The following CAMTA1 variants were observed in gnomAD, a reference collection of about 807,000 sequenced individuals.
CAMTA1 encodes the protein calmodulin-binding transcription activator 1.
Under a neutral mutation model 170.9 loss-of-function variants are expected in CAMTA1, and 27 were observed. That is an observed-to-expected ratio of 0.16 (90% CI 0.12 to 0.22). CAMTA1 has a LOEUF of 0.22. CAMTA1 is among the 10% of genes least tolerant of loss of function. CAMTA1 has a pLI of 1.00. For synonymous variants in CAMTA1, 833 were observed against 891.5 expected (o/e 0.93, Z 1.17); for missense variants, 1,619 against 2,217.2 (o/e 0.73, Z 5.42).
chr1:6,786,484 A>T (rs1639415996), intron 1 of CAMTA1, among the ~76,000 whole-genome samples: 1 of 152,066 alleles, frequency 6.6e-6, no homozygotes, highest in Admixed American at 6.6e-5. Context: ...GGGCCTCTGC[A>T]CACTCTCCGT....
chr1:7,307,995 T>C (rs911610909), intron 5 of CAMTA1, among the ~76,000 whole-genome samples: 4 of 152,028 alleles, frequency 2.6e-5, no homozygotes, highest in Non-Finnish European at 2.9e-5. Context: ...ATTTTTTTTT[T>C]CAGAAAGTTT....
At chr1:7,433,728 C>T (rs763272829) in intron 5 of CAMTA1, among the ~76,000 whole-genome samples, 58 of 152,070 alleles carry the variant, frequency 3.8e-4, no homozygotes, top group Non-Finnish European at 5.7e-4. Flanking sequence ...GATTAGTGGC[C>T]GCCAGTGGTT....
intron 1 of CAMTA1, among the ~76,000 whole-genome samples, chr1:6,807,915 T>C (rs972557611): frequency 1.3e-5 from 2 of 151,732 alleles, no homozygotes; most frequent in Non-Finnish European, 1.5e-5. Context: ...GAAGCAGATA[T>C]GGATGTAAGT....
intron 3 of CAMTA1, among the ~76,000 whole-genome samples, chr1:6,905,043 T>C (rs1678080785): frequency 6.6e-6 from 1 of 152,160 alleles, no homozygotes; most frequent in Non-Finnish European, 1.5e-5. Context: ...GCTCTGTTGC[T>C]GTGTGGCACT....
intron 3 of CAMTA1, among the ~76,000 whole-genome samples, chr1:7,040,944 G>A (rs1704352793): frequency 6.6e-6 from 1 of 152,066 alleles, no homozygotes; most frequent in Non-Finnish European, 1.5e-5. Context: ...GGATGGTCTC[G>A]ATCTCTTGAC....
At chr1:7,611,665 C>T (rs1415659417) in intron 6 of CAMTA1, among the ~76,000 whole-genome samples, 1 of 152,236 alleles carries the variant, frequency 6.6e-6, no homozygotes, top group African/African-American at 2.4e-5. Context: ...AGGCTCTCTC[C>T]AGCCTTACTA....
chr1:7,455,885 G>A lies in CAMTA1; in HGVS notation c.439-11945G>A, dbSNP rs1206067841. 6.6e-6 allele frequency among the ~76,000 whole-genome samples: 1 copy of A among 152,224 alleles called. No individual in the cohort carries two copies. Among genetic ancestry groups the A allele is most frequent in the Non-Finnish European group, 1.5e-5 (1 of 68,040 alleles). Reference sequence around the variant, plus strand: ...CATCTGCTCTCCTCTGGGAATGGCAGATGAGTAGAGAGAAAGGCCGGCCAC... The same window carrying A: ...CATCTGCTCTCCTCTGGGAATGGCAAATGAGTAGAGAGAAAGGCCGGCCAC... On this transcript the variant is annotated intron_variant, in intron 5 of 22. Coordinates refer to ENST00000303635, the MANE Select transcript of CAMTA1 (RefSeq NM_015215.4). This position sits in a 1 kb window ranked among gnomAD's most constrained non-coding sequence, Gnocchi z 5.0.
At chr1:6,882,856 G>A (rs754232627) in intron 3 of CAMTA1, among the ~76,000 whole-genome samples, 5 of 152,134 alleles carry the variant, frequency 3.3e-5, no homozygotes. Flanking sequence ...GGAGGCAAAG[G>A]AGAATGAGAA....
At chr1:7,422,188 A>G (rs1186641109) in intron 5 of CAMTA1, among the ~76,000 whole-genome samples, 1 of 152,074 alleles carries the variant, frequency 6.6e-6, no homozygotes, top group Admixed American at 6.5e-5. Context: ...TGTGGGTCGT[A>G]CATGCAGGCG....
Position 6,965,882 on chromosome 1 carries a change from C to T in CAMTA1, c.235-125422C>T, listed in dbSNP as rs139070919. Reference sequence around the variant, plus strand: ...CATTTATTGCAAGCTCGATGCCGCACGTCTGGCATTAGTTACTGCTTGTTG... The same window carrying T: ...CATTTATTGCAAGCTCGATGCCGCATGTCTGGCATTAGTTACTGCTTGTTG... On this transcript the variant is annotated intron_variant, in intron 3 of 22. Transcript: ENST00000303635. This position sits in a 1 kb window ranked among gnomAD's most constrained non-coding sequence, Gnocchi z 4.1. 2.1e-3 allele frequency among the ~76,000 whole-genome samples: 327 copies of T among 152,230 alleles called. 2 individuals carry two copies. Among genetic ancestry groups the T allele is most frequent in the Admixed American group, 5.6e-3 (85 of 15,294 alleles).
At chr1:7,001,418 T>C (rs1338833118) in intron 3 of CAMTA1, among the ~76,000 whole-genome samples, 1 of 152,260 alleles carries the variant, frequency 6.6e-6, no homozygotes, top group Non-Finnish European at 1.5e-5. Context: ...CTTTGCACGC[T>C]GACCTGCTAT....
At chr1:7,653,984 G>A (rs767618957) in intron 7 of CAMTA1, among the ~76,000 whole-genome samples, 6 of 152,150 alleles carry the variant, frequency 3.9e-5, no homozygotes, top group Non-Finnish European at 8.8e-5. Context: ...CAGGTGCTGG[G>A]CCCCATCCTG....
At chr1:7,297,386 G>A (rs1043977928) in intron 5 of CAMTA1, among the ~76,000 whole-genome samples, 1 of 152,176 alleles carries the variant, frequency 6.6e-6, no homozygotes, top group Non-Finnish European at 1.5e-5. Context: ...TTCCTGTAGG[G>A]TATAGTCCTT....
chr1:7,253,842 A>G (rs886179107), intron 5 of CAMTA1, among the ~76,000 whole-genome samples: 4 of 152,106 alleles, frequency 2.6e-5, no homozygotes, highest in African/African-American at 9.7e-5. Flanking sequence ...TATTTAGCAC[A>G]CATCCTTCCT....
At chr1:7,294,074 G>A (rs1370581975) in intron 5 of CAMTA1, among the ~76,000 whole-genome samples, 1 of 152,206 alleles carries the variant, frequency 6.6e-6, no homozygotes, top group Admixed American at 6.5e-5. Flanking sequence ...TGATCCTGGT[G>A]CCCTCAAGAG....
chr1:7,387,181 G>A (rs1167882849), intron 5 of CAMTA1, among the ~76,000 whole-genome samples: 4 of 151,888 alleles, frequency 2.6e-5, no homozygotes, highest in South Asian at 2.1e-4. Context: ...CTCCAGACTG[G>A]GCTCCTTCCC....
chr1:7,411,942 T>C (rs2149264433), intron 5 of CAMTA1, among the ~76,000 whole-genome samples: 1 of 131,512 alleles, frequency 7.6e-6, no homozygotes, highest in Admixed American at 8.5e-5. Context: ...CGGAGTGTGA[T>C]GTTCCCCTTC....
intron 5 of CAMTA1, among the ~76,000 whole-genome samples, chr1:7,373,366 C>T (rs1304686997): frequency 6.6e-6 from 1 of 152,226 alleles, no homozygotes; most frequent in Non-Finnish European, 1.5e-5. Context: ...GATTTCAGTT[C>T]CCCCAGCCCC....
At position 6,918,126 on chromosome 1, in the gene CAMTA1, C is replaced by T. The variant is rs115475487; in HGVS notation, c.234+92916C>T. Among the ~76,000 whole-genome samples the T allele has an allele frequency of 3.9e-3, 594 of 152,262 alleles. 3 individuals carry two copies. Among genetic ancestry groups the T allele is most frequent in the African/African-American group, 0.014 (572 of 41,520 alleles). On this transcript the variant is annotated intron_variant, in intron 3 of 22. Transcript: ENST00000303635. The surrounding 1 kb of genome is among the most constrained non-coding windows in gnomAD (Gnocchi z 4.0). ...CTCCTAATGGTGAAGGCCTCCCATG[C>T]TCCTGTTTGGGAAGAATTATGCAAT...
Sources: gnomAD v4.1 joint callset for allele counts (sites outside exome capture counted in the v4.1 genomes callset) on GRCh38, gnomAD v4.1.1 for gene constraint, Gnocchi (gnomAD v3.1) non-coding constraint, MANE v1.5 for transcripts, NCBI Gene and HGNC (gene_info 2026-07-23, HGNC 2026-07-21) for gene names.